Variants in OGDH observed in about 807,000 individuals in gnomAD.
OGDH encodes oxoglutarate dehydrogenase, also known as 2-oxoglutarate dehydrogenase complex component E1.
A neutral mutation model predicts 116.6 loss-of-function variants in OGDH; 38 were observed. That is an observed-to-expected ratio of 0.33 (90% CI 0.25 to 0.43). OGDH has a LOEUF of 0.43. Among genes scored for constraint, OGDH ranks in the 20% least tolerant of loss-of-function variants. The probability of loss-of-function intolerance (pLI) is 1.00; values close to 1 mark genes in which losing one functional copy is unlikely to be tolerated. For missense variants in OGDH, 825 were observed against 1,357.2 expected (o/e 0.61, Z 6.16); for synonymous variants, 488 against 533.3 (o/e 0.92, Z 1.17).
rs111973988 is a variant in OGDH, at chr7:44,696,241, T to A, written c.1771+114T>A. 558 of 1,013,604 alleles carry A rather than the reference T, an allele frequency of 5.5e-4. 3 individuals are homozygous for A. In the African/African-American group the frequency reaches 7.2e-3, roughly 13 times the overall value. 62.8% of individuals were successfully genotyped at this position (1,013,604 alleles called of 1,614,324 possible). ...ACTTTGTACCCACAATGCACAGTTG[T>A]ATGCACCATTTCAGCAAAGCCCCCT... On this transcript the variant is annotated intron_variant, in intron 13 of 22. Transcript: ENST00000222673.
intron 2 of OGDH, among the ~76,000 whole-genome samples, chr7:44,627,052 A>G (rs550837495): frequency 2.6e-5 from 4 of 152,186 alleles, no homozygotes; most frequent in Admixed American, 6.5e-5. Flanking sequence ...ACTGGAGTGC[A>G]GTGGTGCAAT....
intron 4 of OGDH, among the ~76,000 whole-genome samples, chr7:44,656,706 T>C (rs951615882): frequency 6.6e-6 from 1 of 152,244 alleles, no homozygotes; most frequent in Non-Finnish European, 1.5e-5. Context: ...TGTTCAGCTC[T>C]GCATGGTGGC....
intron 1 of OGDH, among the ~76,000 whole-genome samples, chr7:44,613,244 C>T (rs1217458788): frequency 3.3e-5 from 5 of 151,966 alleles, no homozygotes; most frequent in South Asian, 2.1e-4. Flanking sequence ...GTTGTGATCT[C>T]GGCTCACTGC....
At chr7:44,647,061 A>G (rs1036932407) in intron 3 of OGDH, among the ~76,000 whole-genome samples, 1 of 152,216 alleles carries the variant, frequency 6.6e-6, no homozygotes, top group Admixed American at 6.5e-5. Flanking sequence ...AGCTGGAACT[A>G]CAGGCATGTG....
intron 1 of OGDH, among the ~76,000 whole-genome samples, chr7:44,622,181 T>C (rs1785034868): frequency 6.6e-6 from 1 of 151,772 alleles, no homozygotes; most frequent in African/African-American, 2.4e-5. Context: ...AGGAAAAAAA[T>C]GAACATTTTC....
intron 1 of OGDH, among the ~76,000 whole-genome samples, chr7:44,616,702 T>C (rs898687694): frequency 1.4e-5 from 2 of 147,250 alleles, no homozygotes; most frequent in Non-Finnish European, 3.0e-5. Flanking sequence ...TGTATATATA[T>C]ACACACATGT....
intron 9 of OGDH, among the ~76,000 whole-genome samples, chr7:44,678,179 C>T (rs891278354): frequency 4.6e-5 from 7 of 152,054 alleles, no homozygotes; most frequent in Admixed American, 2.0e-4. Flanking sequence ...CTGCAGCCCC[C>T]GCAGGCAGTA....
intron 1 of OGDH, among the ~76,000 whole-genome samples, chr7:44,620,767 T>A (rs201092454): frequency 7.0e-6 from 1 of 143,334 alleles, no homozygotes. Flanking sequence ...TTTTTTTTTT[T>A]AAAGCTCATC....
At chr7:44,667,157 C>T (rs1262712599) in intron 5 of OGDH, among the ~76,000 whole-genome samples, 2 of 152,008 alleles carry the variant, frequency 1.3e-5, no homozygotes, top group African/African-American at 4.8e-5. Flanking sequence ...TGCTGTGTTC[C>T]TCAGGCTGGT....
At chr7:44,642,712 AGGAGTT>A (rs1562633806) in intron 2 of OGDH, among the ~76,000 whole-genome samples, 1 of 152,156 alleles carries the variant, frequency 6.6e-6, no homozygotes, top group Non-Finnish European at 1.5e-5. Context: ...TCACAAGGTC[AGGAGTT>A]CGAGACCAGC....
intron 9 of OGDH, among the ~76,000 whole-genome samples, chr7:44,679,805 T>C (rs978091891): frequency 2.0e-5 from 3 of 152,124 alleles, no homozygotes; most frequent in African/African-American, 7.2e-5. Context: ...AAGAAGGAAT[T>C]CTGCCTCCAG....
Position 44,697,042 on chromosome 7 carries a change from G to T in OGDH, c.2029G>T (p.Asp677Tyr). ...CATCCACATTCGGCTGAGCGGCCAGGACGTGGAGCGGGGCACATTCAGGTA... is the reference window on the plus strand; with the variant it reads ...CATCCACATTCGGCTGAGCGGCCAGTACGTGGAGCGGGGCACATTCAGGTA... ...EGIHIRLSGQDVERGTFSHRH... is the reference protein window; with the variant it reads ...EGIHIRLSGQYVERGTFSHRH... Residue 677 changes from aspartate (D) to tyrosine (Y), a missense_variant, in exon 15 of 23, where the codon GAC becomes TAC. Asp to Tyr is a radical substitution (Grantham distance 160). This residue lies in a region of OGDH where 92 missense variants were observed against 129.7 expected (regional missense o/e 0.71). Coordinates refer to ENST00000222673, the MANE Select transcript of OGDH (RefSeq NM_002541.4). The surrounding 1 kb of genome is among the most constrained non-coding windows in gnomAD (Gnocchi z 6.0). 1 of 1,614,168 alleles carries T rather than the reference G, an allele frequency of 6.2e-7. No individual in the cohort carries two copies.
At chr7:44,656,345 G>T (rs1259100633) in intron 4 of OGDH, 1 of 1,535,932 alleles carries the variant, frequency 6.5e-7, no homozygotes, top group African/African-American at 1.4e-5. Flanking sequence ...GAACGACTTC[G>T]AATGCTAACA....
Position 44,697,336 on chromosome 7 carries a change from G to A in OGDH, c.2052-34G>A. Reference sequence around the variant, plus strand: ...CAGCGTATTTGCTTGTCAAGTCAGAGCTCCTAATTATTACCTCTGTTGTCC... The same window carrying A: ...CAGCGTATTTGCTTGTCAAGTCAGAACTCCTAATTATTACCTCTGTTGTCC... On this transcript the variant is annotated intron_variant, in intron 15 of 22. Transcript: ENST00000222673. The surrounding 1 kb of genome is among the most constrained non-coding windows in gnomAD (Gnocchi z 6.0). The A allele has an allele frequency of 6.2e-7, 1 of 1,613,252 alleles. No individual in the cohort carries two copies. The highest frequency in any genetic ancestry group is 8.5e-7 in the Non-Finnish European group (1 of 1,179,376).
intron 10 of OGDH, among the ~76,000 whole-genome samples, chr7:44,691,992 A>G (rs1378717173): frequency 2.3e-5 from 3 of 132,582 alleles, no homozygotes; most frequent in Admixed American, 7.5e-5. Context: ...AAAAAAAAAA[A>G]AAAAAAAAAA....
At chr7:44,650,485 T>C (rs1786389633) in intron 4 of OGDH, among the ~76,000 whole-genome samples, 1 of 152,172 alleles carries the variant, frequency 6.6e-6, no homozygotes, top group South Asian at 2.1e-4. Context: ...GGTTTCAAAA[T>C]TGAATAAACT....
intron 10 of OGDH, among the ~76,000 whole-genome samples, chr7:44,683,520 C>T (rs1290749645): frequency 6.6e-6 from 1 of 152,156 alleles, no homozygotes. Context: ...TGTGATCCAC[C>T]ATGCCCGACA....
At chr7:44,674,679 C>G (rs1300779167) in intron 7 of OGDH, 122 bp downstream of exon 7, 8 of 1,058,360 alleles carry the variant, frequency 7.6e-6, no homozygotes, top group Non-Finnish European at 1.1e-5. Flanking sequence ...TGAGTCTGGG[C>G]TCATCTGGTA....
At chr7:44,631,623 C>A (rs1785443420) in intron 2 of OGDH, among the ~76,000 whole-genome samples, 1 of 152,186 alleles carries the variant, frequency 6.6e-6, no homozygotes, top group Non-Finnish European at 1.5e-5. Flanking sequence ...AAAATTATAA[C>A]CTCTTTGAAA....
Sources: gnomAD v4.1 joint callset for allele counts (sites outside exome capture counted in the v4.1 genomes callset) on GRCh38, gnomAD v4.1.1 for gene constraint, gnomAD v4.1.1 regional missense constraint, Gnocchi (gnomAD v3.1) non-coding constraint, MANE v1.5 for transcripts, NCBI Gene and HGNC (gene_info 2026-07-23, HGNC 2026-07-21) for gene names.